ERLIN1: variants seen among roughly 807,000 people sequenced by gnomAD.
ERLIN1 encodes the protein erlin-1.
In ERLIN1, 24 loss-of-function variants were observed where a neutral mutation model predicts 46.9. The ratio of observed to expected loss-of-function variants is 0.51; its 90% CI spans 0.37 to 0.72. ERLIN1 has a LOEUF of 0.72. Ranked by LOEUF, ERLIN1 falls within the 30% of genes least tolerant of loss-of-function variation. The probability of loss-of-function intolerance (pLI) is 0.00; values close to 1 mark genes in which losing one functional copy is unlikely to be tolerated. For missense variants in ERLIN1, 293 were observed against 417.9 expected (o/e 0.70, Z 2.61); for synonymous variants, 158 against 143.2 (o/e 1.10, Z -0.74).
intron 4 of ERLIN1, 49 bp downstream of exon 4, chr10:100,178,084 A>G (rs1270262955): frequency 1.7e-6 from 2 of 1,164,492 alleles, no homozygotes; most frequent in African/African-American, 3.1e-5. Context: ...TCTCAGCTAT[A>G]AATCCTCTGG....
At position 100,167,410 on chromosome 10, in the gene ERLIN1, A is replaced by T; in HGVS notation, c.505-4T>A. On this transcript the variant is annotated splice_polypyrimidine_tract_variant and splice_region_variant and intron_variant, in intron 6 of 10. Coordinates refer to ENST00000421367, the MANE Select transcript of ERLIN1 (RefSeq NM_006459.4). ...TGGGTTTTGTAACACGCACAGCCTA[A>T]AAAATAAAAGTGAAAAAGCCAAAGT... 3 of 1,610,286 alleles carry T rather than the reference A, an allele frequency of 1.9e-6. No individual in the cohort carries two copies. The highest frequency in any genetic ancestry group is 8.5e-7 in the Non-Finnish European group (1 of 1,178,486).
In ERLIN1 at chr10:100,186,009, G is replaced by C. The variant is rs970094231; in HGVS notation, c.-383C>G. 3 of 419,478 alleles carry C rather than the reference G, an allele frequency of 7.2e-6. No individual in the cohort carries two copies. The highest frequency in any genetic ancestry group is 8.7e-5 in the Admixed American group (2 of 23,062). The allele number at this position is 419,478 out of a possible 1,614,324, so 26.0% of individuals were successfully genotyped here. A position where few individuals can be genotyped will look rare whatever the true frequency, so the allele number is the denominator to read the frequency against. On this transcript the variant is annotated 5_prime_UTR_variant, in exon 1 of 11. Coordinates refer to ENST00000421367, the MANE Select transcript of ERLIN1 (RefSeq NM_006459.4). The stretch of plus-strand genomic sequence containing the variant: ...GCCCGCACGTGCAGCCGACTCCCGC[G>C]CCGAGCCAACCGCCGCCAACAGCCG...
Position 100,150,427 on chromosome 10 carries a change from T to C in ERLIN1, c.*1704A>G, listed in dbSNP as rs1340840116. The C allele has an allele frequency of 1.3e-5, 2 of 152,682 alleles. No homozygotes were observed. Among genetic ancestry groups the C allele is most frequent in the Admixed American group, 6.5e-5 (1 of 15,288 alleles). The allele number at this position is 152,682 out of a possible 1,614,324, so 9.5% of individuals were successfully genotyped here. ...ATCCAGATTTTCCACAACAATCATC[T>C]GCAGCAACAATTCGACAGGTAAAGA... On this transcript the variant is annotated 3_prime_UTR_variant, in exon 11 of 11. Coordinates refer to ENST00000421367, the MANE Select transcript of ERLIN1 (RefSeq NM_006459.4).
At chr10:100,174,762 T>C (rs1844194963) in intron 5 of ERLIN1, among the ~76,000 whole-genome samples, 1 of 152,180 alleles carries the variant, frequency 6.6e-6, no homozygotes, top group Non-Finnish European at 1.5e-5. Flanking sequence ...TTTCCATGGA[T>C]CTCAGCCTCA....
At chr10:100,166,726 T>C (rs1843663747) in intron 7 of ERLIN1, among the ~76,000 whole-genome samples, 1 of 152,200 alleles carries the variant, frequency 6.6e-6, no homozygotes, top group African/African-American at 2.4e-5. Context: ...GTACCAGTCA[T>C]ACGAAAACAA....
At chr10:100,179,119 G>T in intron 3 of ERLIN1, 82 bp downstream of exon 3, 2 of 1,070,000 alleles carry the variant, frequency 1.9e-6, no homozygotes, top group Non-Finnish European at 2.8e-6. Flanking sequence ...GCCTATTTGA[G>T]ATATGTCTAA....
chr10:100,178,737 T>C (rs1438033269), intron 3 of ERLIN1, among the ~76,000 whole-genome samples: 3 of 152,236 alleles, frequency 2.0e-5, no homozygotes, highest in African/African-American at 7.2e-5. Flanking sequence ...GCACTTCATA[T>C]ACAGTAATTC....
chr10:100,157,119 A>T (rs1356308370), intron 8 of ERLIN1, among the ~76,000 whole-genome samples: 3 of 152,200 alleles, frequency 2.0e-5, no homozygotes, highest in African/African-American at 7.2e-5. Context: ...GACAACATAA[A>T]ATAAGAAGAG....
chr10:100,175,566 T>C (rs1043950103), intron 5 of ERLIN1, among the ~76,000 whole-genome samples: 2 of 152,180 alleles, frequency 1.3e-5, no homozygotes, highest in African/African-American at 4.8e-5. Flanking sequence ...CTTTGTACCC[T>C]TTGGCTGTAA....
At position 100,175,575 on chromosome 10, in the gene ERLIN1, A is replaced by G. The variant is rs563649980; in HGVS notation, c.430+370T>C. Among the ~76,000 whole-genome samples the G allele has an allele frequency of 3.3e-5, 5 of 152,186 alleles. No homozygotes were observed. In the South Asian group the frequency reaches 1.0e-3, roughly 31 times the overall value. ...ATTTTGCTTTGTACCCTTTGGCTGT[A>G]ATAAATCTTAGCTGTGAACACAACT... is the stretch of plus-strand genomic sequence containing the variant. On this transcript the variant is annotated intron_variant, in intron 5 of 10. Transcript: ENST00000421367.
At chr10:100,175,895 A>G (rs758657261) in intron 5 of ERLIN1, 50 bp downstream of exon 5, 2 of 1,565,448 alleles carry the variant, frequency 1.3e-6, no homozygotes, top group Non-Finnish European at 1.7e-6. Flanking sequence ...AGTAAGCTGA[A>G]CAAAGATTTC....
In ERLIN1 at chr10:100,167,604, T is replaced by G. The variant is rs558646608; in HGVS notation, c.505-198A>C. ...CACCAAGAATCAAAGACAAGCTGCT[T>G]CTTATTTCCTTACACAATGCCAGAT... is the stretch of plus-strand genomic sequence containing the variant. On this transcript the variant is annotated intron_variant, in intron 6 of 10. Coordinates refer to ENST00000421367, the MANE Select transcript of ERLIN1 (RefSeq NM_006459.4). Among the ~76,000 whole-genome samples the G allele has an allele frequency of 1.8e-4, 27 of 152,320 alleles. 1 individual carries two copies. In the South Asian group the frequency reaches 5.6e-3, roughly 32 times the overall value.
Position 100,154,894 on chromosome 10 carries a change from T to C in ERLIN1, c.791A>G (p.Tyr264Cys), listed in dbSNP as rs1842992533. Reference protein sequence around the residue: ...AREKAKADAEYYAAHKYATSN... With the variant: ...AREKAKADAECYAAHKYATSN... ...GGTGGCATATTTGTGTGCAGCATAATATTCAGCATCTGCTTTCGCTTTCTC... is the reference window on the plus strand; with the variant it reads ...GGTGGCATATTTGTGTGCAGCATAACATTCAGCATCTGCTTTCGCTTTCTC... The change falls in exon 10 of 11, where the codon TAT becomes TGT. Residue 264 changes from tyrosine to cysteine, a missense_variant. Physicochemically the swap from Tyr to Cys is radical, Grantham distance 194 (BLOSUM62 -2). Coordinates refer to ENST00000421367, the MANE Select transcript of ERLIN1 (RefSeq NM_006459.4). 2 of 1,613,864 alleles carry C rather than the reference T, an allele frequency of 1.2e-6. No individual in the cohort carries two copies. The highest frequency in any genetic ancestry group is 2.2e-5 in the South Asian group (2 of 91,084).
intron 9 of ERLIN1, among the ~76,000 whole-genome samples, chr10:100,155,761 G>C (rs1022264550): frequency 1.3e-5 from 2 of 152,132 alleles, no homozygotes; most frequent in Non-Finnish European, 2.9e-5. Flanking sequence ...TGATCCGCCC[G>C]CCTCGGCCTC....
intron 10 of ERLIN1, among the ~76,000 whole-genome samples, chr10:100,153,846 T>G (rs989510738): frequency 6.6e-6 from 1 of 152,228 alleles, no homozygotes; most frequent in Non-Finnish European, 1.5e-5. Context: ...CTGTCATGCC[T>G]TTCTTTTGGC....
chr10:100,173,253 GGTCTCCTA>G (rs200426074), intron 6 of ERLIN1, among the ~76,000 whole-genome samples: 115 of 152,142 alleles, frequency 7.6e-4, no homozygotes, highest in African/African-American at 2.5e-3. Context: ...ACAATCAACT[GGTCTCCTA>G]GAGCTCCTGA....
chr10:100,150,375 C>T lies in ERLIN1; in HGVS notation c.*1756G>A, dbSNP rs1246147789. On this transcript the variant is annotated 3_prime_UTR_variant, in exon 11 of 11. Transcript: ENST00000421367. ...TTGCTCATGTAACTATAAAACATCT[C>T]TAGGAATGAAAGCACAGAGGTCAAT... 6.6e-6 allele frequency: 1 copy of T among 152,620 alleles called. No homozygotes were observed. Among genetic ancestry groups the T allele is most frequent in the Admixed American group, 6.5e-5 (1 of 15,270 alleles). The allele number at this position is 152,620 out of a possible 1,614,324, so 9.5% of individuals were successfully genotyped here.
At chr10:100,156,322 T>G (rs1843080463) in intron 8 of ERLIN1, 88 bp from the exon 9 acceptor site, 2 of 767,018 alleles carry the variant, frequency 2.6e-6, no homozygotes, top group South Asian at 3.1e-5. Flanking sequence ...AGTCTAACAT[T>G]TAATTACAGA....
At chr10:100,160,308 C>T (rs1187219201) in intron 8 of ERLIN1, among the ~76,000 whole-genome samples, 10 of 151,960 alleles carry the variant, frequency 6.6e-5, no homozygotes, top group South Asian at 4.1e-4. Context: ...ATGGCTTTTA[C>T]GAGTTCCACC....
Sources: allele counts gnomAD v4.1 joint callset (sites outside exome capture counted in the v4.1 genomes callset), GRCh38; gene constraint gnomAD v4.1.1; transcripts MANE v1.5; gene names NCBI Gene and HGNC (gene_info 2026-07-23, HGNC 2026-07-21).